LARGE1: variants seen among roughly 807,000 people sequenced by gnomAD.
LARGE1 encodes the protein LARGE xylosyl- and glucuronyltransferase 1.
Under a neutral mutation model 87.6 loss-of-function variants are expected in LARGE1, and 43 were observed. The observed-to-expected ratio is 0.49, with a 90% CI of 0.38 to 0.63. The LOEUF is 0.63. Among genes scored for constraint, LARGE1 ranks in the 30% least tolerant of loss-of-function variants. The pLI is 0.00. For synonymous variants in LARGE1, 434 were observed against 394.6 expected, an observed-to-expected ratio of 1.10 and a Z score of -1.18; for missense variants, 802 against 1,000.2, an observed-to-expected ratio of 0.80 and a Z score of 2.67.
chr22:33,181,857 G>A (rs1355961881), intron 11 of LARGE1, among the ~76,000 whole-genome samples: 2 of 130,424 alleles, frequency 1.5e-5, no homozygotes, highest in East Asian at 2.2e-4. Context: ...TTTACATGGA[G>A]TCTTGCTCTT....
At chr22:33,229,250 T>C (rs1269447755) in intron 11 of LARGE1, among the ~76,000 whole-genome samples, 1 of 152,028 alleles carries the variant, frequency 6.6e-6, no homozygotes, top group Non-Finnish European at 1.5e-5. Context: ...AGAAACACCA[T>C]CCAAATATTA....
At chr22:33,394,348 G>A (rs2065644468) in intron 7 of LARGE1, among the ~76,000 whole-genome samples, 1 of 152,068 alleles carries the variant, frequency 6.6e-6, no homozygotes, top group South Asian at 2.1e-4. Flanking sequence ...ACAGGCGTGT[G>A]CCACCACACC....
At chr22:33,216,079 C>T (rs995419379) in intron 11 of LARGE1, among the ~76,000 whole-genome samples, 1 of 152,178 alleles carries the variant, frequency 6.6e-6, no homozygotes, top group Non-Finnish European at 1.5e-5. Flanking sequence ...TCAGTTGTCT[C>T]GATGCCTTTT....
At position 33,324,388 on chromosome 22, in the gene LARGE1, G is replaced by C. The variant is rs185533081; in HGVS notation, c.1288-8140C>G. On this transcript the variant is annotated intron_variant, in intron 10 of 14. Transcript: ENST00000397394. Reference sequence around the variant, plus strand: ...GGTAATTTCTCTGGGGAGCCATGGAGCCGGAGGGAGTATTTCATTAACAGG... The same window carrying C: ...GGTAATTTCTCTGGGGAGCCATGGACCCGGAGGGAGTATTTCATTAACAGG... 1.7e-3 allele frequency among the ~76,000 whole-genome samples: 263 copies of C among 150,542 alleles called. 3 individuals are homozygous for C. The highest frequency in any genetic ancestry group is 8.4e-4 in the Non-Finnish European group (57 of 67,796).
intron 6 of LARGE1, among the ~76,000 whole-genome samples, chr22:33,516,007 T>C (rs1175166331): frequency 6.6e-6 from 1 of 152,198 alleles, no homozygotes; most frequent in Non-Finnish European, 1.5e-5. Context: ...TCTAAGAGCC[T>C]GCGCTTCACC....
At chr22:33,247,415 TGATAATTTTC>T (rs750040361) in intron 11 of LARGE1, among the ~76,000 whole-genome samples, 5 of 152,216 alleles carry the variant, frequency 3.3e-5, no homozygotes, top group Non-Finnish European at 7.3e-5. Context: ...TCATTACAGC[TGATAATTTTC>T]TTCCTTTGTC....
At chr22:33,170,724 C>A (rs1922521986) in intron 11 of LARGE1, among the ~76,000 whole-genome samples, 1 of 152,168 alleles carries the variant, frequency 6.6e-6, no homozygotes, top group African/African-American at 2.4e-5. Flanking sequence ...AATCTCTTTC[C>A]TTTAAAAATT....
intron 1 of LARGE1, among the ~76,000 whole-genome samples, chr22:33,766,716 T>C (rs1268365905): frequency 2.0e-5 from 3 of 151,674 alleles, no homozygotes; most frequent in Non-Finnish European, 1.5e-5. Flanking sequence ...TGAGCCACCA[T>C]GCCTGGCTGA....
At chr22:33,723,769 C>CA (rs1243144539) in intron 2 of LARGE1, 6 of 152,126 alleles carry the variant, frequency 3.9e-5, no homozygotes, top group African/African-American at 1.2e-4. Flanking sequence ...TGCGGGACCT[C>CA]ATTCATTCAC....
At chr22:33,643,025 C>T (rs956198811) in intron 3 of LARGE1, among the ~76,000 whole-genome samples, 5 of 152,168 alleles carry the variant, frequency 3.3e-5, no homozygotes, top group Admixed American at 6.5e-5. Context: ...AGGACTTGAA[C>T]TCAGCTCTGG....
At chr22:33,275,116 G>A (rs1928963584) in intron 14 of LARGE1, among the ~76,000 whole-genome samples, 1 of 152,198 alleles carries the variant, frequency 6.6e-6, no homozygotes, top group Non-Finnish European at 1.5e-5. Flanking sequence ...AAACAGGAAT[G>A]AGAGACCAGA....
At position 33,310,901 on chromosome 22, in the gene LARGE1, C is replaced by T. The variant is rs1935505228; in HGVS notation, c.1451+5184G>A. Among the ~76,000 whole-genome samples, 2 of 151,732 alleles carry T rather than the reference C, an allele frequency of 1.3e-5. 1 individual carries two copies. On this transcript the variant is annotated intron_variant, in intron 11 of 14. Coordinates refer to ENST00000397394, the MANE Select transcript of LARGE1 (RefSeq NM_133642.5). Reference sequence around the variant, plus strand: ...CGTGTGTCTGCTACGCTTGGGCTGTCCATGCTTTGAAGGGAAGACCGCTAT... The same window carrying T: ...CGTGTGTCTGCTACGCTTGGGCTGTTCATGCTTTGAAGGGAAGACCGCTAT...
At chr22:33,560,697 C>T (rs1369021268) in intron 6 of LARGE1, among the ~76,000 whole-genome samples, 1 of 152,172 alleles carries the variant, frequency 6.6e-6, no homozygotes, top group Non-Finnish European at 1.5e-5. Context: ...AGTACAGCCT[C>T]CTGGGTCAGT....
intron 3 of LARGE1, among the ~76,000 whole-genome samples, chr22:33,642,979 G>C (rs2080491806): frequency 6.6e-6 from 1 of 152,110 alleles, no homozygotes; most frequent in Admixed American, 6.5e-5. Context: ...GTCAGTATTA[G>C]ACAGATCAAT....
upstream of LARGE1, among the ~76,000 whole-genome samples, chr22:33,920,854 CCG>C (rs2065927673): frequency 6.9e-6 from 1 of 145,406 alleles, no homozygotes; most frequent in Non-Finnish European, 1.5e-5. Flanking sequence ...GCGCCGCTGG[CCG>C]GAGCCGGCGC....
At chr22:33,565,046 T>A in intron 5 of LARGE1, 27 bp from the exon 6 acceptor site, 2 of 1,609,696 alleles carry the variant, frequency 1.2e-6, no homozygotes, top group Non-Finnish European at 1.7e-6. Flanking sequence ...AGAGAGAGAG[T>A]TGGAGAAAGG....
intron 9 of LARGE1, among the ~76,000 whole-genome samples, chr22:33,374,442 C>T: frequency 6.6e-6 from 1 of 152,058 alleles, no homozygotes; most frequent in East Asian, 1.9e-4. Flanking sequence ...ACTAAGATTC[C>T]ACGTAAGTTT....
At chr22:33,372,739 A>C (rs1370884189) in intron 9 of LARGE1, among the ~76,000 whole-genome samples, 1 of 152,190 alleles carries the variant, frequency 6.6e-6, no homozygotes, top group Admixed American at 6.5e-5. Context: ...GTATACCAAA[A>C]TAAGATGTGT....
intron 6 of LARGE1, among the ~76,000 whole-genome samples, chr22:33,554,825 C>A (rs2077628203): frequency 6.6e-6 from 1 of 152,236 alleles, no homozygotes; most frequent in African/African-American, 2.4e-5. Flanking sequence ...TTATTCCCCA[C>A]CACTCACTTC....
Sources: allele counts gnomAD v4.1 joint callset (sites outside exome capture counted in the v4.1 genomes callset), GRCh38; gene constraint gnomAD v4.1.1; transcripts MANE v1.5; gene names NCBI Gene and HGNC (gene_info 2026-07-23, HGNC 2026-07-21).